ANKFY1: variants seen among roughly 807,000 people sequenced by gnomAD.
ANKFY1 encodes the protein ankyrin repeat and FYVE domain-containing protein 1.
ANKFY1 carries 47 observed loss-of-function variants against 128.3 expected under a neutral mutation model. The observed-to-expected ratio is 0.37, with a 90% confidence interval of 0.29 to 0.47. The LOEUF is 0.47. Ranked by LOEUF, ANKFY1 falls within the 20% of genes least tolerant of loss-of-function variation. ANKFY1 has a pLI of 1.00. For missense variants in ANKFY1, 1,222 were observed against 1,510.6 expected (o/e 0.81, Z 3.17); for synonymous variants, 553 against 601.6 (o/e 0.92, Z 1.18).
chr17:4,235,849 T>A lies in ANKFY1; in HGVS notation c.245A>T (p.His82Leu). Residue 82 changes from histidine to leucine, a missense_variant, in exon 3 of 25, where the codon CAC becomes CTC. By Grantham distance (99) the His-to-Leu change is moderately conservative. Coordinates refer to ENST00000341657, the MANE Select transcript of ANKFY1 (RefSeq NM_001330063.2). ...IKVGDRHISA[H>L]KFVLAARSDS... ...ACTGCGGGCTGCCAGGACAAACTTG[T>A]GAGCACTGATGTGCCTGTCCCCAAC... 1 of 1,614,182 alleles carries A rather than the reference T, an allele frequency of 6.2e-7. No homozygotes were observed. Among genetic ancestry groups the A allele is most frequent in the Non-Finnish European group, 8.5e-7 (1 of 1,180,020 alleles).
chr17:4,196,143 CTACACA>C (rs1240631537), intron 8 of ANKFY1, among the ~76,000 whole-genome samples: 2 of 16,038 alleles, frequency 1.2e-4, no homozygotes, highest in South Asian at 8.2e-3. Flanking sequence ...GCTGCATCTA[CTACACA>C]CACACACACA....
In ANKFY1 at chr17:4,236,249, AG is replaced by A. The variant is rs200817315; in HGVS notation, c.204-360del. 9.2e-5 allele frequency among the ~76,000 whole-genome samples: 14 copies of A among 152,346 alleles called. No individual in the cohort carries two copies. The East Asian group carries it at 2.7e-3, about 29-fold the overall frequency. ...ATAGACTAAAACAAGCTAAACCATCAGGGAGAGAAAGACAGAAAGGTTAAAG... is the reference window on the plus strand; with the variant it reads ...ATAGACTAAAACAAGCTAAACCATCAGGAGAGAAAGACAGAAAGGTTAAAG... On this transcript the variant is annotated intron_variant, in intron 2 of 24. Transcript: ENST00000341657.
chr17:4,231,657 C>T (rs774228252), intron 3 of ANKFY1, among the ~76,000 whole-genome samples: 15 of 151,916 alleles, frequency 9.9e-5, no homozygotes, highest in South Asian at 2.1e-4. Context: ...TTCTCATAAT[C>T]AAGGCTGTGT....
At position 4,209,963 on chromosome 17, in the gene ANKFY1, C is replaced by A; in HGVS notation, c.459-16G>T. ...CTTCTCACATCTGTAAGAGAGTATT[C>A]ATCATGAGGAGTATTACTGGACAAA... On this transcript the variant is annotated splice_polypyrimidine_tract_variant and intron_variant, in intron 4 of 24. Transcript: ENST00000341657. The A allele has an allele frequency of 6.2e-7, 1 of 1,601,474 alleles. No individual in the cohort carries two copies. Among genetic ancestry groups the A allele is most frequent in the South Asian group, 1.1e-5 (1 of 90,570 alleles).
chr17:4,187,555 G>A (rs950609678), intron 11 of ANKFY1: 6 of 341,858 alleles, frequency 1.8e-5, no homozygotes, highest in African/African-American at 1.1e-4. Context: ...GTGCTTTCAA[G>A]TGAGGCCTCC....
rs543024054 is a variant in ANKFY1 at position 4,242,288 on chromosome 17, G to A, written c.171C>T (p.Ile57=). The A allele has an allele frequency of 9.2e-5, 146 of 1,591,554 alleles. No homozygotes were observed. The South Asian group carries it at 9.3e-4, about 10-fold the overall frequency. The change falls in exon 2 of 25, where the codon ATC becomes ATT. Residue 57 remains isoleucine, a synonymous_variant. Coordinates refer to ENST00000341657, the MANE Select transcript of ANKFY1 (RefSeq NM_001330063.2). ...GCTCCTGCTCGTAGAGGTCTGCCAC[G>A]ATGGCCAGCAGACGGCTGATGAAGG... ...SESFISRLLA[I]VADLYEQEQY...
chr17:4,173,324 G>T (rs375809030), intron 21 of ANKFY1, 30 bp downstream of exon 21: 35 of 1,605,400 alleles, frequency 2.2e-5, no homozygotes, highest in Non-Finnish European at 2.9e-5. Context: ...GCCAGGCGCC[G>T]CGGGGCCTAC....
chr17:4,210,134 A>G (rs997345967), intron 4 of ANKFY1, among the ~76,000 whole-genome samples, 187 bp from the exon 5 acceptor site: 2 of 152,232 alleles, frequency 1.3e-5, no homozygotes, highest in African/African-American at 2.4e-5. Context: ...GAATTTCATT[A>G]TAATATTTCA....
chr17:4,194,767 A>G (rs2059786388), intron 10 of ANKFY1: 1 of 563,772 alleles, frequency 1.8e-6, no homozygotes, highest in African/African-American at 1.9e-5. Context: ...TGGAAGTTTC[A>G]GTTTCAGGGA....
intron 3 of ANKFY1, among the ~76,000 whole-genome samples, chr17:4,230,982 TTACC>T (rs2060503987): frequency 6.6e-6 from 1 of 152,204 alleles, no homozygotes; most frequent in Admixed American, 6.5e-5. Context: ...TTTGCCAATT[TTACC>T]AGTAATACCC....
chr17:4,204,983 C>G (rs1270646128), intron 7 of ANKFY1, among the ~76,000 whole-genome samples: 2 of 152,220 alleles, frequency 1.3e-5, no homozygotes, highest in African/African-American at 2.4e-5. Flanking sequence ...TATAAGGATA[C>G]TTGTATTAAA....
rs1318956975 is a variant in ANKFY1 at position 4,178,846 on chromosome 17, T to TA, written c.2598+10dup. On this transcript the variant is annotated intron_variant, in intron 18 of 24. Coordinates refer to ENST00000341657, the MANE Select transcript of ANKFY1 (RefSeq NM_001330063.2). This position sits in a 1 kb window ranked among gnomAD's most constrained non-coding sequence, Gnocchi z 4.1. ...GGACCATGTGGAGAAGGTCAGGTGT[T>TA]ATTCACTCACCTGCTCAGCAGCCCC... 1 of 1,613,254 alleles carries TA rather than the reference T, an allele frequency of 6.2e-7. No individual in the cohort carries two copies. Among genetic ancestry groups the TA allele is most frequent in the Non-Finnish European group, 8.5e-7 (1 of 1,179,464 alleles).
chr17:4,184,703 G>C (rs1202898060), intron 12 of ANKFY1, 115 bp downstream of exon 12: 11 of 1,141,814 alleles, frequency 9.6e-6, no homozygotes, highest in Middle Eastern at 3.8e-4. Context: ...ATTTTTTGGG[G>C]GTAAGAAACT....
chr17:4,197,994 T>G (rs1378368840), intron 7 of ANKFY1, among the ~76,000 whole-genome samples: 2 of 152,106 alleles, frequency 1.3e-5, no homozygotes, highest in Non-Finnish European at 2.9e-5. Flanking sequence ...CCGGGCGTGG[T>G]GGTGCACGCC....
In ANKFY1 at chr17:4,214,658, T is replaced by C. The variant is rs559503955; in HGVS notation, c.458+2325A>G. 9.9e-5 allele frequency among the ~76,000 whole-genome samples: 15 copies of C among 152,126 alleles called. No individual in the cohort carries two copies. The East Asian group carries it at 1.9e-3, about 20-fold the overall frequency. ...CTCCTGCCTCAGCCTCCTGAGTAGC[T>C]GGGATTACAGGTGCCCGCCACCACG... On this transcript the variant is annotated intron_variant, in intron 4 of 24. Coordinates refer to ENST00000341657, the MANE Select transcript of ANKFY1 (RefSeq NM_001330063.2).
rs140098393 is a variant in ANKFY1 at position 4,240,975 on chromosome 17, G to T, written c.203+1281C>A. Among the ~76,000 whole-genome samples, 132 of 152,202 alleles carry T rather than the reference G, an allele frequency of 8.7e-4. 1 individual carries two copies. Among genetic ancestry groups the T allele is most frequent in the African/African-American group, 3.0e-3 (124 of 41,520 alleles). ...GTCTTTACCTATTAAACCCTATCCA[G>T]CCTTTAACATCTACCTCAAAACTCA... On this transcript the variant is annotated intron_variant, in intron 2 of 24. Coordinates refer to ENST00000341657, the MANE Select transcript of ANKFY1 (RefSeq NM_001330063.2).
intron 1 of ANKFY1, among the ~76,000 whole-genome samples, chr17:4,259,369 C>T (rs1267152338): frequency 6.6e-6 from 1 of 152,186 alleles, no homozygotes; most frequent in Non-Finnish European, 1.5e-5. Context: ...CAACCTCCAC[C>T]TTCCGGGTTC....
At chr17:4,183,116 A>G (rs368094858) in intron 14 of ANKFY1, among the ~76,000 whole-genome samples, 24 of 152,332 alleles carry the variant, frequency 1.6e-4, no homozygotes, top group African/African-American at 5.5e-4. Context: ...AAAGGAAAAA[A>G]AACCTGGATT....
At chr17:4,259,524 C>T (rs1364010956) in intron 1 of ANKFY1, among the ~76,000 whole-genome samples, 14 of 152,142 alleles carry the variant, frequency 9.2e-5, no homozygotes, top group African/African-American at 1.4e-4. Flanking sequence ...TCAAGTGATC[C>T]GCCCACCTTG....
Sources: gnomAD v4.1 joint callset for allele counts (sites outside exome capture counted in the v4.1 genomes callset) on GRCh38, gnomAD v4.1.1 for gene constraint, Gnocchi (gnomAD v3.1) non-coding constraint, MANE v1.5 for transcripts, NCBI Gene and HGNC (gene_info 2026-07-23, HGNC 2026-07-21) for gene names.